Variants in FAM120B observed in about 807,000 individuals in gnomAD.
The protein encoded by FAM120B is family with sequence similarity 120 member B, also known as constitutive coactivator of peroxisome proliferator-activated receptor gamma.
Under a neutral mutation model 96.3 loss-of-function variants are expected in FAM120B, and 83 were observed. The ratio of observed to expected loss-of-function variants is 0.86; its 90% CI spans 0.72 to 1.03. FAM120B has a LOEUF of 1.03. Among genes scored for constraint, FAM120B ranks in the 50% least tolerant of loss-of-function variants. FAM120B has a pLI of 0.00. For synonymous variants in FAM120B, 407 were observed against 402.7 expected (o/e 1.01, Z -0.13); for missense variants, 1,027 against 1,121.2 (o/e 0.92, Z 1.20).
intron 6 of FAM120B, among the ~76,000 whole-genome samples, chr6:170,376,951 C>T (rs1029507071): frequency 7.7e-6 from 1 of 130,440 alleles, no homozygotes; most frequent in Non-Finnish European, 1.6e-5. Context: ...TGGGAGAGCA[C>T]GAGCTCAGGG....
At chr6:170,350,393 G>T (rs1334044864) in intron 5 of FAM120B, among the ~76,000 whole-genome samples, 2 of 152,192 alleles carry the variant, frequency 1.3e-5, no homozygotes, top group African/African-American at 4.8e-5. Flanking sequence ...GAGAACACAG[G>T]CAGTCCGGAT....
chr6:170,340,551 G>A lies in FAM120B; in HGVS notation c.2018-7600G>A, dbSNP rs117848894. 4.4e-3 allele frequency among the ~76,000 whole-genome samples: 673 copies of A among 152,304 alleles called. 1 individual carries two copies. Among genetic ancestry groups the A allele is most frequent in the Middle Eastern group, 0.01 (3 of 294 alleles). ...TGTGCCCTTGCTGGAGAGGAGTTGC[G>A]ATCATTTAGAGAAGAGGCATTCTGG... On this transcript the variant is annotated intron_variant, in intron 4 of 10. Coordinates refer to ENST00000476287, the MANE Select transcript of FAM120B (RefSeq NM_032448.3).
chr6:170,388,181 T>C, intron 6 of FAM120B, 106 bp from the exon 7 acceptor site: 4 of 899,206 alleles, frequency 4.4e-6, no homozygotes, highest in South Asian at 4.3e-5. Context: ...GTCCAGTTAC[T>C]GAGTGAGCAT....
At chr6:170,394,071 C>A (rs528168036) in intron 8 of FAM120B, among the ~76,000 whole-genome samples, 1 of 152,322 alleles carries the variant, frequency 6.6e-6, no homozygotes, top group African/African-American at 2.4e-5. Context: ...CACGGGCTGA[C>A]CCTGGCCAGA....
intron 6 of FAM120B, among the ~76,000 whole-genome samples, chr6:170,367,022 C>T (rs1285076435): frequency 4.6e-5 from 7 of 152,160 alleles, no homozygotes; most frequent in Admixed American, 3.3e-4. Flanking sequence ...TCACCAGAAA[C>T]AGTTCATTAA....
chr6:170,362,684 CT>C lies in FAM120B; in HGVS notation c.2283+4381del, dbSNP rs759098041. ...TAATAATTTGTTTTCTTTCTTTTTT[CT>C]TTTTTTTTTTTTTTGAGACAAGGTC... is the stretch of plus-strand genomic sequence containing the variant. On this transcript the variant is annotated intron_variant, in intron 6 of 10. Transcript: ENST00000476287. Among the ~76,000 whole-genome samples the C allele has an allele frequency of 6.5e-3, 914 of 139,622 alleles. 2 individuals carry two copies. Among genetic ancestry groups the C allele is most frequent in the African/African-American group, 0.012 (442 of 37,938 alleles). 91.6% of individuals were successfully genotyped at this position (139,622 alleles called of 152,430 possible).
At chr6:170,354,972 G>A (rs1787807477) in intron 5 of FAM120B, among the ~76,000 whole-genome samples, 1 of 151,992 alleles carries the variant, frequency 6.6e-6, no homozygotes, top group Non-Finnish European at 1.5e-5. Context: ...AACATATGAA[G>A]AAAAGTTCAA....
intron 4 of FAM120B, among the ~76,000 whole-genome samples, chr6:170,335,691 T>G (rs1786372609): frequency 6.6e-6 from 1 of 152,242 alleles, no homozygotes. Context: ...AGCATTCCTA[T>G]TTCACCACAT....
At chr6:170,327,267 C>T (rs778512471) in intron 3 of FAM120B, among the ~76,000 whole-genome samples, 58 of 152,028 alleles carry the variant, frequency 3.8e-4, no homozygotes, top group Non-Finnish European at 6.2e-4. Flanking sequence ...AGGATGATCT[C>T]GATCTCCTGA....
chr6:170,326,079 A>G (rs769158990), intron 3 of FAM120B, among the ~76,000 whole-genome samples: 9 of 152,120 alleles, frequency 5.9e-5, no homozygotes, highest in Admixed American at 2.6e-4. Context: ...TTAAATTTGA[A>G]ATAATTACGG....
At chr6:170,339,311 A>G (rs1019818901) in intron 4 of FAM120B, among the ~76,000 whole-genome samples, 14 of 152,018 alleles carry the variant, frequency 9.2e-5, no homozygotes, top group Non-Finnish European at 1.6e-4. Context: ...TGATTTGCAG[A>G]AGAATTTTCT....
intron 1 of FAM120B, among the ~76,000 whole-genome samples, chr6:170,308,189 C>T (rs1415159977): frequency 1.3e-5 from 2 of 152,184 alleles, no homozygotes; most frequent in Admixed American, 6.5e-5. Context: ...CTCCCAGCTC[C>T]ATCATTAGTG....
At chr6:170,305,426 A>G (rs1029070964), upstream of FAM120B, among the ~76,000 whole-genome samples, 5 of 152,224 alleles carry the variant, frequency 3.3e-5, no homozygotes, top group African/African-American at 9.6e-5. Context: ...ATTCCTTCCC[A>G]AATCCTTTAA....
chr6:170,405,822 G>T lies in FAM120B; in HGVS notation c.*1071G>T, dbSNP rs1019097547. ...ATCCCTTTCGTTTCATTTTGCCAGG[G>T]CCTGGCTCAGGATTTTTTATGGCAG... On this transcript the variant is annotated 3_prime_UTR_variant, in exon 11 of 11. Transcript: ENST00000476287. 6.6e-6 allele frequency: 1 copy of T among 152,172 alleles called. No individual in the cohort carries two copies. The highest frequency in any genetic ancestry group is 6.5e-5 in the Admixed American group (1 of 15,280). The allele number at this position is 152,172 out of a possible 1,614,324, so 9.4% of individuals were successfully genotyped here.
upstream of FAM120B, among the ~76,000 whole-genome samples, chr6:170,303,021 C>T (rs184992869): frequency 1.5e-3 from 223 of 152,290 alleles, no homozygotes; most frequent in African/African-American, 4.9e-3. Flanking sequence ...GAGTGACAGT[C>T]GTGCCACTTA....
intron 3 of FAM120B, among the ~76,000 whole-genome samples, chr6:170,327,966 C>T (rs561932359): frequency 9.8e-5 from 15 of 152,346 alleles, no homozygotes; most frequent in African/African-American, 3.6e-4. Flanking sequence ...ATGGGAAGGC[C>T]AGGACATGAC....
At chr6:170,324,108 A>G (rs1583200525) in intron 3 of FAM120B, among the ~76,000 whole-genome samples, 2 of 152,196 alleles carry the variant, frequency 1.3e-5, no homozygotes, top group East Asian at 3.8e-4. Context: ...CCTAAACATC[A>G]TTATTTCCAG....
intron 8 of FAM120B, among the ~76,000 whole-genome samples, chr6:170,395,077 T>C (rs891848343): frequency 2.0e-5 from 3 of 152,190 alleles, no homozygotes; most frequent in Non-Finnish European, 2.9e-5. Context: ...TGAGTGAAGT[T>C]TGTGGAGAAT....
At chr6:170,306,260 G>T (rs1784276663), upstream of FAM120B, among the ~76,000 whole-genome samples, 2 of 152,146 alleles carry the variant, frequency 1.3e-5, no homozygotes, top group African/African-American at 4.8e-5. Context: ...CTCCCCAAAC[G>T]TGGCGGGGAA....
Sources: gnomAD v4.1 joint callset for allele counts (sites outside exome capture counted in the v4.1 genomes callset) on GRCh38, gnomAD v4.1.1 for gene constraint, MANE v1.5 for transcripts, NCBI Gene and HGNC (gene_info 2026-07-23, HGNC 2026-07-21) for gene names.